The following SIN3B variants were observed in gnomAD, a reference collection of about 807,000 sequenced individuals.
SIN3B encodes SIN3 transcription regulator family member B, also known as paired amphipathic helix protein Sin3b.
Under a neutral mutation model 120.2 loss-of-function variants are expected in SIN3B, and 19 were observed. The ratio of observed to expected loss-of-function variants is 0.16; its 90% CI spans 0.11 to 0.23. The LOEUF (loss-of-function observed/expected upper bound fraction) is 0.23. Ranked by LOEUF, SIN3B falls within the 10% of genes least tolerant of loss-of-function variation. SIN3B has a pLI of 1.00. For missense variants in SIN3B, 1,073 were observed against 1,573.0 expected, an observed-to-expected ratio of 0.68 and a Z score of 5.38; for synonymous variants, 654 against 653.2, an observed-to-expected ratio of 1.00 and a Z score of -0.02.
chr19:16,839,453 G>A lies in SIN3B; in HGVS notation c.382-2315G>A, dbSNP rs148936329. ...TTTTTGCCAAGCCCTGGTCTAGAGC[G>A]TGGTTCCCCATTTTGTCGCAGTGGC... is the stretch of plus-strand genomic sequence containing the variant. On this transcript the variant is annotated intron_variant, in intron 3 of 18. Transcript: ENST00000248054. Among the ~76,000 whole-genome samples the A allele has an allele frequency of 8.5e-3, 1,287 of 152,232 alleles. 15 individuals are homozygous for A. Among genetic ancestry groups the A allele is most frequent in the African/African-American group, 0.03 (1,227 of 41,520 alleles).
chr19:16,851,690 G>T (rs1428950175), intron 6 of SIN3B, among the ~76,000 whole-genome samples, 156 bp downstream of exon 6: 1 of 152,252 alleles, frequency 6.6e-6, no homozygotes, highest in South Asian at 2.1e-4. Context: ...TTGGAAGTCA[G>T]CTCTCCTCTA....
At chr19:16,865,314 C>CCA in intron 10 of SIN3B, 96 bp from the exon 11 acceptor site, 1 of 550,420 alleles carries the variant, frequency 1.8e-6, no homozygotes, top group Non-Finnish European at 3.3e-6. Context: ...ACACCCCCCC[C>CCA]CCAAAAAAAT....
intron 8 of SIN3B, among the ~76,000 whole-genome samples, chr19:16,857,517 A>ACGTGTGTGTGTG (rs1462562243): frequency 4.3e-5 from 4 of 93,370 alleles, no homozygotes; most frequent in African/African-American, 1.5e-4. Flanking sequence ...TAAAAAAAAT[A>ACGTGTGTGTGTG]TGTGTGTGTG....
chr19:16,836,183 C>T (rs1192441547), intron 3 of SIN3B, among the ~76,000 whole-genome samples: 2 of 152,170 alleles, frequency 1.3e-5, no homozygotes, highest in East Asian at 3.9e-4. Flanking sequence ...TTTGAGCAGC[C>T]TCCCTGGCCT....
In SIN3B at chr19:16,876,450, C is replaced by T. The variant is rs1467459331; in HGVS notation, c.2767-36C>T. The T allele has an allele frequency of 6.3e-7, 1 of 1,599,260 alleles. No individual in the cohort carries two copies. On this transcript the variant is annotated intron_variant, in intron 15 of 18. Transcript: ENST00000248054. The surrounding 1 kb of genome is among the most constrained non-coding windows in gnomAD (Gnocchi z 7.1). The stretch of plus-strand genomic sequence containing the variant: ...CCTGCGCTGTGCCGGCTGGGCTGTG[C>T]CGGCAGTGGAGGCTGTCAGCGTTCC...
At chr19:16,841,731 T>C (rs1297510959) in intron 3 of SIN3B, 37 bp from the exon 4 acceptor site, 4 of 1,587,706 alleles carry the variant, frequency 2.5e-6, no homozygotes, top group East Asian at 4.5e-5. Flanking sequence ...CTGTTTCCAG[T>C]GTCGGGCCTG....
intron 5 of SIN3B, among the ~76,000 whole-genome samples, chr19:16,850,845 G>A (rs1230464006): frequency 2.0e-5 from 3 of 152,304 alleles, no homozygotes; most frequent in African/African-American, 2.4e-5. Flanking sequence ...CCTGTTAGCC[G>A]ATGGCTGGAG....
At chr19:16,839,912 G>A (rs1971395865) in intron 3 of SIN3B, among the ~76,000 whole-genome samples, 1 of 152,208 alleles carries the variant, frequency 6.6e-6, no homozygotes, top group South Asian at 2.1e-4. Flanking sequence ...AGCTACTCAG[G>A]AGAATCACTT....
intron 5 of SIN3B, among the ~76,000 whole-genome samples, chr19:16,847,618 G>T (rs1170166944): frequency 2.0e-5 from 3 of 152,156 alleles, no homozygotes. Flanking sequence ...GCGAGGAGGG[G>T]CCTTAGACAG....
At chr19:16,866,667 C>T (rs188354766) in intron 12 of SIN3B, 111 bp downstream of exon 12, 1 of 1,067,052 alleles carries the variant, frequency 9.4e-7, no homozygotes, top group Non-Finnish European at 1.4e-6. Flanking sequence ...TGGCATTGCC[C>T]TTTCAGGGCT....
intron 5 of SIN3B, among the ~76,000 whole-genome samples, chr19:16,850,062 A>C (rs562461293): frequency 2.6e-5 from 4 of 152,098 alleles, no homozygotes; most frequent in African/African-American, 9.6e-5. Flanking sequence ...ATTCCCCCCA[A>C]ATAATTCCCC....
chr19:16,867,824 A>C (rs1292164833), intron 12 of SIN3B, among the ~76,000 whole-genome samples: 2 of 151,764 alleles, frequency 1.3e-5, no homozygotes, highest in African/African-American at 4.8e-5. Context: ...CCCCAGGCCC[A>C]CCCACAACCA....
At chr19:16,853,333 T>A (rs1437181281) in intron 7 of SIN3B, among the ~76,000 whole-genome samples, 175 bp downstream of exon 7, 2 of 152,212 alleles carry the variant, frequency 1.3e-5, no homozygotes, top group East Asian at 3.9e-4. Flanking sequence ...GTGGGCCTCC[T>A]TGGAGCCCAG....
chr19:16,854,066 G>T, intron 7 of SIN3B, 77 bp from the exon 8 acceptor site: 1 of 1,045,710 alleles, frequency 9.6e-7, no homozygotes. Flanking sequence ...ACACCCATGT[G>T]GCTGACCTAC....
intron 10 of SIN3B, among the ~76,000 whole-genome samples, chr19:16,864,866 A>C: frequency 6.8e-6 from 1 of 146,132 alleles, no homozygotes; most frequent in African/African-American, 2.5e-5. Flanking sequence ...ACAGAGTTTC[A>C]CTCTGTCGCC....
At chr19:16,865,078 A>G (rs1599607571) in intron 10 of SIN3B, 1 of 207,466 alleles carries the variant, frequency 4.8e-6, no homozygotes, top group East Asian at 1.1e-4. Flanking sequence ...TGATCCGCCC[A>G]TCTCAGCCTC....
At chr19:16,865,702 C>G in intron 11 of SIN3B, 54 bp downstream of exon 11, 2 of 1,053,410 alleles carry the variant, frequency 1.9e-6, no homozygotes, top group East Asian at 2.6e-5. Flanking sequence ...CTTCCCTCCC[C>G]TCCCCTCCCC....
At chr19:16,855,049 C>T (rs1971593494) in intron 8 of SIN3B, 2 of 152,198 alleles carry the variant, frequency 1.3e-5, no homozygotes, top group South Asian at 4.1e-4. Context: ...AGCTTTCTAA[C>T]ACCTGTTGAT....
intron 8 of SIN3B, 179 bp downstream of exon 8, chr19:16,854,440 T>TG: frequency 1.8e-6 from 1 of 561,092 alleles, no homozygotes; most frequent in Non-Finnish European, 3.1e-6. Flanking sequence ...ATACACCACC[T>TG]GGGTACCCTC....
Sources: gnomAD v4.1 joint callset for allele counts (sites outside exome capture counted in the v4.1 genomes callset) on GRCh38, gnomAD v4.1.1 for gene constraint, Gnocchi (gnomAD v3.1) non-coding constraint, MANE v1.5 for transcripts, NCBI Gene and HGNC (gene_info 2026-07-23, HGNC 2026-07-21) for gene names.